TNIK: variants seen among roughly 807,000 people sequenced by gnomAD.
TNIK encodes the protein TRAF2 and NCK interacting kinase.
Under a neutral mutation model 191.3 loss-of-function variants are expected in TNIK, and 49 were observed. That is an observed-to-expected ratio of 0.26 (90% CI 0.20 to 0.32). The LOEUF is 0.32. Ranked by LOEUF, TNIK falls within the 10% of genes least tolerant of loss-of-function variation. TNIK has a pLI of 1.00. For missense variants in TNIK, 1,155 were observed against 1,702.3 expected (o/e 0.68, Z 5.66); for synonymous variants, 594 against 600.9 (o/e 0.99, Z 0.17).
chr3:171,328,981 T>G (rs1307224571), intron 2 of TNIK, among the ~76,000 whole-genome samples: 1 of 152,188 alleles, frequency 6.6e-6, no homozygotes, highest in Non-Finnish European at 1.5e-5. Flanking sequence ...TTCTGTAATC[T>G]TCATCCAGAT....
intron 4 of TNIK, among the ~76,000 whole-genome samples, chr3:171,210,315 AAAC>A (rs781698158): frequency 5.3e-4 from 80 of 152,332 alleles, no homozygotes; most frequent in Non-Finnish European, 9.4e-4. Flanking sequence ...AGGGAAGGCC[AAAC>A]CAATACAGCA....
intron 1 of TNIK, among the ~76,000 whole-genome samples, chr3:171,457,473 T>A (rs1728913500): frequency 6.6e-6 from 1 of 152,174 alleles, no homozygotes; most frequent in Admixed American, 6.6e-5. Context: ...TGACCTTGGC[T>A]GCATTTCAGG....
At chr3:171,243,544 G>A (rs922011284) in intron 2 of TNIK, among the ~76,000 whole-genome samples, 8 of 151,952 alleles carry the variant, frequency 5.3e-5, no homozygotes, top group Non-Finnish European at 8.8e-5. Flanking sequence ...GAACCTGTTG[G>A]TAGCCCTGTT....
Position 171,071,310 on chromosome 3 carries a change from C to T in TNIK, c.3462G>A (p.Arg1154=). The T allele has an allele frequency of 1.3e-6, 2 of 1,592,028 alleles. No homozygotes were observed. The highest frequency in any genetic ancestry group is 1.7e-6 in the Non-Finnish European group (2 of 1,169,110). Residue 1154 remains arginine, a synonymous_variant, in exon 29 of 33, where the codon AGG becomes AGA. Transcript: ENST00000436636. ...TTAAGGCAATCACCAAAAATTTGAT[C>T]CTTTCATATTTAACTGTAATAGAAA... ...CIHYKVVKYE[R]IKFLVIALKN... is the part of the protein sequence containing the mutation.
chr3:171,284,241 G>T (rs1750778253), intron 2 of TNIK, among the ~76,000 whole-genome samples: 1 of 152,140 alleles, frequency 6.6e-6, no homozygotes, highest in Non-Finnish European at 1.5e-5. Context: ...TGAAAAAATA[G>T]CTTTGGAAAC....
chr3:171,320,412 C>A (rs1444559247), intron 2 of TNIK, among the ~76,000 whole-genome samples: 2 of 152,026 alleles, frequency 1.3e-5, no homozygotes, highest in African/African-American at 4.8e-5. Context: ...GAAAATGACC[C>A]AGGAAAAAAG....
At chr3:171,094,678 A>G (rs1722494209) in intron 22 of TNIK, among the ~76,000 whole-genome samples, 1 of 152,082 alleles carries the variant, frequency 6.6e-6, no homozygotes, top group South Asian at 2.1e-4. Context: ...CTCTGCCTGG[A>G]AAGTTCTTTC....
intron 1 of TNIK, among the ~76,000 whole-genome samples, chr3:171,389,879 T>C (rs936932043): frequency 1.2e-4 from 18 of 152,206 alleles, no homozygotes; most frequent in African/African-American, 4.1e-4. Flanking sequence ...CCTGACAACC[T>C]TTCCCTGGAG....
chr3:171,188,954 T>C (rs1261728744), intron 6 of TNIK, 122 bp from the exon 7 acceptor site: 1 of 1,234,328 alleles, frequency 8.1e-7, no homozygotes, highest in Non-Finnish European at 1.1e-6. Context: ...ATTTTGACCA[T>C]TTTCAAATGT....
intron 1 of TNIK, among the ~76,000 whole-genome samples, chr3:171,431,142 AC>A (rs1186961709): frequency 1.3e-5 from 2 of 152,096 alleles, no homozygotes; most frequent in Non-Finnish European, 2.9e-5. Flanking sequence ...GAACTTTCTT[AC>A]AAAAGAAGAG....
rs1577071808 is a variant in TNIK, at chr3:171,188,592, C to T, written c.639+110G>A. The T allele has an allele frequency of 4.5e-6, 6 of 1,347,634 alleles. No homozygotes were observed. The East Asian group carries it at 1.4e-4, about 32-fold the overall frequency. The allele number at this position is 1,347,634 out of a possible 1,614,324, so 83.5% of individuals were successfully genotyped here. On this transcript the variant is annotated intron_variant, in intron 7 of 32. Transcript: ENST00000436636. ...GGTCTTAAACTCAAATAATGTTTTT[C>T]AGTTCTCCCTTTGGGTGACATAAAT... is the stretch of plus-strand genomic sequence containing the variant.
chr3:171,320,167 C>T (rs1242570937), intron 2 of TNIK, among the ~76,000 whole-genome samples: 2 of 152,166 alleles, frequency 1.3e-5, no homozygotes, highest in African/African-American at 2.4e-5. Context: ...GACCCTTCCA[C>T]GTTGGCCTAT....
At chr3:171,096,912 A>G (rs558722276) in intron 22 of TNIK, among the ~76,000 whole-genome samples, 2 of 152,232 alleles carry the variant, frequency 1.3e-5, no homozygotes, top group African/African-American at 2.4e-5. Context: ...TCTTCTGTGA[A>G]TTGATAAGTA....
At chr3:171,267,539 A>G (rs1748542254) in intron 2 of TNIK, among the ~76,000 whole-genome samples, 1 of 152,240 alleles carries the variant, frequency 6.6e-6, no homozygotes, top group African/African-American at 2.4e-5. Flanking sequence ...TGGGAAATGG[A>G]CGTGAGTTCA....
chr3:171,140,277 TGAGG>T (rs1730627099), intron 13 of TNIK, 118 bp downstream of exon 13: 1 of 772,948 alleles, frequency 1.3e-6, no homozygotes, highest in Non-Finnish European at 2.0e-6. Flanking sequence ...CATAATTGCT[TGAGG>T]AAGAGTAAAA....
intron 1 of TNIK, among the ~76,000 whole-genome samples, chr3:171,420,661 A>G (rs1187710743): frequency 6.6e-6 from 1 of 152,246 alleles, no homozygotes; most frequent in Non-Finnish European, 1.5e-5. Context: ...ATGTGAGATT[A>G]GTAGCAATAA....
At chr3:171,277,694 A>AT (rs5854411) in intron 2 of TNIK, among the ~76,000 whole-genome samples, 13,917 of 152,242 alleles carry the variant, frequency 0.091, 802 homozygotes, top group South Asian at 0.17. Context: ...ATTTGTTCAC[A>AT]TATTGTGTAA....
Position 171,139,556 on chromosome 3 carries a change from C to A in TNIK, c.1333G>T (p.Glu445Ter). 1 of 1,613,596 alleles carries A rather than the reference C, an allele frequency of 6.2e-7. No homozygotes were observed. The highest frequency in any genetic ancestry group is 8.5e-7 in the Non-Finnish European group (1 of 1,179,710). Residue 445 changes from glutamate to a stop codon, truncating the protein, a stop_gained and splice_region_variant, in exon 14 of 33, where the codon GAA (glutamate) becomes TAA (stop). Coordinates refer to ENST00000436636, the MANE Select transcript of TNIK (RefSeq NM_015028.4). LOFTEE classifies it high-confidence loss of function. ...TCCTCTAACTGTCGCCTGATGTATT[C>A]CTGGAGAGGTAGGCAGCAGAGAATT... ...EERRRAEHEQ[E>*]YIRRQLEEEQ...
intron 1 of TNIK, among the ~76,000 whole-genome samples, chr3:171,392,558 T>A (rs1440027927): frequency 6.6e-6 from 1 of 151,994 alleles, no homozygotes; most frequent in East Asian, 1.9e-4. Flanking sequence ...AGTGGGTGGA[T>A]CACTTGAGGT....
Sources: gnomAD v4.1 joint callset for allele counts (sites outside exome capture counted in the v4.1 genomes callset) on GRCh38, gnomAD v4.1.1 for gene constraint, MANE v1.5 for transcripts, NCBI Gene and HGNC (gene_info 2026-07-23, HGNC 2026-07-21) for gene names.